The following PNPLA1 variants were observed in gnomAD, a reference collection of about 807,000 sequenced individuals.
PNPLA1 encodes patatin like domain 1, omega-hydroxyceramide transacylase, also known as omega-hydroxyceramide transacylase.
In PNPLA1, 36 loss-of-function variants were observed where a neutral mutation model predicts 51.7. The ratio of observed to expected loss-of-function variants is 0.70; its 90% CI spans 0.53 to 0.92. The LOEUF is 0.92. PNPLA1 is among the 40% of genes least tolerant of loss of function. PNPLA1 has a pLI of 0.00. For synonymous variants in PNPLA1, 293 were observed against 280.1 expected (o/e 1.05, Z -0.46); for missense variants, 658 against 682.5 (o/e 0.96, Z 0.40).
chr6:36,289,587 T>C (rs1352330533), intron 1 of PNPLA1, among the ~76,000 whole-genome samples: 1 of 148,496 alleles, frequency 6.7e-6, no homozygotes, highest in Non-Finnish European at 1.5e-5. Flanking sequence ...CTGCTACACA[T>C]ATGCAGGTGT....
At chr6:36,264,829 C>T (rs975491829) in intron 1 of PNPLA1, among the ~76,000 whole-genome samples, 5 of 152,192 alleles carry the variant, frequency 3.3e-5, no homozygotes, top group East Asian at 1.9e-4. Flanking sequence ...TACAAAATAA[C>T]AACAGCTCAG....
At chr6:36,311,224 A>G (rs1771401624) in intron 8 of PNPLA1, among the ~76,000 whole-genome samples, 1 of 152,228 alleles carries the variant, frequency 6.6e-6, no homozygotes, top group Admixed American at 6.5e-5. Flanking sequence ...CACAGAGGAG[A>G]GGCAGCTAAT....
At chr6:36,308,072 C>T (rs565224733) in intron 8 of PNPLA1, 4 of 163,262 alleles carry the variant, frequency 2.5e-5, no homozygotes, top group African/African-American at 9.6e-5. Context: ...TGTATTTATG[C>T]TACTTAAATA....
intron 1 of PNPLA1, among the ~76,000 whole-genome samples, chr6:36,289,934 G>A (rs1010493860): frequency 6.6e-6 from 1 of 152,152 alleles, no homozygotes; most frequent in African/African-American, 2.4e-5. Flanking sequence ...TAACCTCTCT[G>A]TGTCTCAGGT....
At chr6:36,299,329 T>TGGC (rs1270237022) in intron 5 of PNPLA1, among the ~76,000 whole-genome samples, 1 of 72,104 alleles carries the variant, frequency 1.4e-5, no homozygotes, top group East Asian at 3.6e-4. Flanking sequence ...TTTTGTTTTT[T>TGGC]TGTCTGTTTT....
chr6:36,263,247 A>T (rs978607936), intron 1 of PNPLA1, among the ~76,000 whole-genome samples: 1 of 152,164 alleles, frequency 6.6e-6, no homozygotes, highest in African/African-American at 2.4e-5. Context: ...TGACTAAAAA[A>T]CTGCACACCG....
At chr6:36,307,483 G>A (rs1051211465) in intron 7 of PNPLA1, 104 bp from the exon 8 acceptor site, 2 of 1,334,054 alleles carry the variant, frequency 1.5e-6, no homozygotes, top group African/African-American at 2.9e-5. Flanking sequence ...CCAGGGTTGA[G>A]AACCACAGCG....
At chr6:36,283,521 G>T (rs1407232861) in intron 1 of PNPLA1, among the ~76,000 whole-genome samples, 1 of 152,128 alleles carries the variant, frequency 6.6e-6, no homozygotes, top group Non-Finnish European at 1.5e-5. Context: ...CCTCAGCTGG[G>T]CATGGTGGTG....
intron 1 of PNPLA1, among the ~76,000 whole-genome samples, chr6:36,276,332 T>G (rs1770096692): frequency 1.3e-5 from 2 of 152,140 alleles, no homozygotes; most frequent in South Asian, 2.1e-4. Context: ...TATCCTGAGA[T>G]CCTGTGTTTT....
intron 1 of PNPLA1, among the ~76,000 whole-genome samples, chr6:36,261,855 A>G (rs1769656258): frequency 6.6e-6 from 1 of 152,188 alleles, no homozygotes; most frequent in African/African-American, 2.4e-5. Flanking sequence ...CCGCCCTAAG[A>G]AAGGCGGCTG....
chr6:36,254,601 C>T (rs1769491601), intron 1 of PNPLA1, among the ~76,000 whole-genome samples: 1 of 151,294 alleles, frequency 6.6e-6, no homozygotes, highest in South Asian at 2.1e-4. Flanking sequence ...AAACAAAAAA[C>T]AGAAAAAGAA....
chr6:36,285,715 A>G (rs1770467019), intron 1 of PNPLA1, among the ~76,000 whole-genome samples: 3 of 152,196 alleles, frequency 2.0e-5, no homozygotes, highest in African/African-American at 7.2e-5. Context: ...AAAAGAATGA[A>G]CAAGACAGAG....
chr6:36,301,729 A>G (rs1582096616), intron 5 of PNPLA1, 132 bp from the exon 6 acceptor site: 10 of 1,269,848 alleles, frequency 7.9e-6, no homozygotes, highest in South Asian at 4.3e-5. Flanking sequence ...CACTCACTGT[A>G]AATTCAAGTA....
chr6:36,247,456 G>C (rs1022911662), intron 1 of PNPLA1, among the ~76,000 whole-genome samples: 1 of 152,228 alleles, frequency 6.6e-6, no homozygotes, highest in Non-Finnish European at 1.5e-5. Flanking sequence ...CCCTCCACCA[G>C]CATGTTGACC....
rs998502123 is a variant in PNPLA1 at position 36,312,569 on chromosome 6, C to T, written c.*683C>T. Among the ~76,000 whole-genome samples the T allele has an allele frequency of 1.5e-4, 23 of 152,184 alleles. No homozygotes were observed. The highest frequency in any genetic ancestry group is 1.0e-3 in the South Asian group (5 of 4,818). ...GGGGATTTCCTAGGAAGCTGTGAGC[C>T]GAGAGAGAGAACGGGAGCTGGAACG... On this transcript the variant is annotated 3_prime_UTR_variant, in exon 9 of 9. Transcript: ENST00000636260.
At chr6:36,299,791 T>C (rs1770975094) in intron 5 of PNPLA1, among the ~76,000 whole-genome samples, 1 of 152,250 alleles carries the variant, frequency 6.6e-6, no homozygotes, top group Admixed American at 6.5e-5. Flanking sequence ...TAGATCTTCT[T>C]TGGTGAAGCA....
At chr6:36,282,088 A>AGAAAGAAAGAAAGAAATAAG (rs1554136580) in intron 1 of PNPLA1, among the ~76,000 whole-genome samples, 2 of 98,850 alleles carry the variant, frequency 2.0e-5, no homozygotes, top group African/African-American at 9.7e-5. Flanking sequence ...AAAGAAAGAA[A>AGAAAGAAAGAAAGAAATAAG]GAAGGAAGGA....
intron 1 of PNPLA1, among the ~76,000 whole-genome samples, chr6:36,250,531 T>C (rs1047034608): frequency 1.4e-4 from 21 of 152,232 alleles, no homozygotes; most frequent in African/African-American, 5.1e-4. Flanking sequence ...GGGCATCTTA[T>C]TCCTTGTAGC....
chr6:36,250,328 C>T (rs1769393538), intron 1 of PNPLA1, among the ~76,000 whole-genome samples: 1 of 152,150 alleles, frequency 6.6e-6, no homozygotes, highest in African/African-American at 2.4e-5. Flanking sequence ...GGCAGCAGTC[C>T]TGTGATCATG....
Sources: allele counts gnomAD v4.1 joint callset (sites outside exome capture counted in the v4.1 genomes callset), GRCh38; gene constraint gnomAD v4.1.1; transcripts MANE v1.5; gene names NCBI Gene and HGNC (gene_info 2026-07-23, HGNC 2026-07-21).